SEMA3A: variants seen among roughly 807,000 people sequenced by gnomAD.
SEMA3A encodes the protein semaphorin-3A.
In SEMA3A, 29 loss-of-function variants were observed where a neutral mutation model predicts 97.9. The observed-to-expected ratio is 0.30, with a 90% CI of 0.22 to 0.40. SEMA3A has a LOEUF of 0.40. Ranked by LOEUF, SEMA3A falls within the 10% of genes least tolerant of loss-of-function variation. The pLI, the probability that SEMA3A is intolerant of heterozygous loss-of-function variation, is 1.00. For synonymous variants in SEMA3A, 321 were observed against 323.7 expected (o/e 0.99, Z 0.09); for missense variants, 763 against 951.3 (o/e 0.80, Z 2.60).
chr7:83,981,578 A>AATT, intron 13 of SEMA3A, 100 bp from the exon 14 acceptor site: 2 of 1,028,968 alleles, frequency 1.9e-6, no homozygotes, highest in Non-Finnish European at 2.7e-6. Context: ...CTCAGAGATA[A>AATT]ATTAAGGGTT....
chr7:84,288,336 T>G (rs906066323), intron 3 of SEMA3A, among the ~76,000 whole-genome samples: 28 of 152,150 alleles, frequency 1.8e-4, no homozygotes, highest in Non-Finnish European at 2.1e-4. Context: ...ATTACACAAA[T>G]AAGTGACACC....
At chr7:84,487,166 T>G (rs920330459) in intron 1 of SEMA3A, among the ~76,000 whole-genome samples, 2 of 152,102 alleles carry the variant, frequency 1.3e-5, no homozygotes, top group Admixed American at 6.6e-5. Flanking sequence ...AAGAAATATT[T>G]AATATTAAGC....
At chr7:84,086,026 G>C (rs1330990419) in intron 4 of SEMA3A, among the ~76,000 whole-genome samples, 1 of 152,048 alleles carries the variant, frequency 6.6e-6, no homozygotes, top group Non-Finnish European at 1.5e-5. Flanking sequence ...TCAGGGAAGG[G>C]GCCAGAATAA....
At chr7:84,305,007 T>G (rs1449088060) in intron 3 of SEMA3A, among the ~76,000 whole-genome samples, 1 of 152,112 alleles carries the variant, frequency 6.6e-6, no homozygotes, top group African/African-American at 2.4e-5. Flanking sequence ...CAAACATATA[T>G]GGAGCCATGT....
intron 12 of SEMA3A, among the ~76,000 whole-genome samples, chr7:83,990,924 C>T (rs2116348688): frequency 6.6e-6 from 1 of 152,216 alleles, no homozygotes; most frequent in Admixed American, 6.5e-5. Flanking sequence ...TGACCATTTT[C>T]ACGATATTGA....
At chr7:84,176,256 A>C (rs1231088502) in intron 1 of SEMA3A, among the ~76,000 whole-genome samples, 1 of 152,164 alleles carries the variant, frequency 6.6e-6, no homozygotes, top group African/African-American at 2.4e-5. Flanking sequence ...ATTTAAGTGA[A>C]GGTCCCAATT....
intron 1 of SEMA3A, among the ~76,000 whole-genome samples, chr7:84,435,088 T>A (rs1022044561): frequency 6.6e-6 from 1 of 152,200 alleles, no homozygotes; most frequent in African/African-American, 2.4e-5. Context: ...GACTACATCA[T>A]TGTATACCTA....
At chr7:84,028,585 A>G (rs1471950988) in intron 6 of SEMA3A, among the ~76,000 whole-genome samples, 1 of 143,884 alleles carries the variant, frequency 7.0e-6, no homozygotes, top group Non-Finnish European at 1.5e-5. Flanking sequence ...AATTAAATGT[A>G]TAATAAAGTT....
At chr7:84,011,855 C>T (rs1790892090) in intron 7 of SEMA3A, among the ~76,000 whole-genome samples, 2 of 151,934 alleles carry the variant, frequency 1.3e-5, no homozygotes, top group South Asian at 2.1e-4. Context: ...TTGTTTTGTA[C>T]TCATAAATTT....
intron 2 of SEMA3A, among the ~76,000 whole-genome samples, chr7:84,321,014 T>C (rs1487491440): frequency 1.3e-5 from 2 of 152,204 alleles, no homozygotes; most frequent in Non-Finnish European, 2.9e-5. Context: ...TGTATTTAGC[T>C]GAATTTCATT....
chr7:84,395,132 T>C (rs1803690038), intron 1 of SEMA3A, among the ~76,000 whole-genome samples: 1 of 152,118 alleles, frequency 6.6e-6, no homozygotes, highest in Non-Finnish European at 1.5e-5. Flanking sequence ...ATAAAATTTC[T>C]TATGTCACTA....
At chr7:84,420,853 T>C (rs541554240) in intron 1 of SEMA3A, among the ~76,000 whole-genome samples, 1 of 152,198 alleles carries the variant, frequency 6.6e-6, no homozygotes, top group South Asian at 2.1e-4. Context: ...TATCATTTTT[T>C]ATTGTGCCTA....
chr7:84,407,435 G>C (rs1312154293), intron 1 of SEMA3A, among the ~76,000 whole-genome samples: 1 of 152,036 alleles, frequency 6.6e-6, no homozygotes, highest in Non-Finnish European at 1.5e-5. Flanking sequence ...TCATGGGTAG[G>C]AAGAATCAAT....
chr7:84,423,835 G>A (rs1490545128), intron 1 of SEMA3A, among the ~76,000 whole-genome samples: 1 of 151,644 alleles, frequency 6.6e-6, no homozygotes, highest in Non-Finnish European at 1.5e-5. Context: ...ATCAAAAAGT[G>A]GGCAAATGAC....
chr7:84,145,510 A>G (rs186775105), intron 1 of SEMA3A, among the ~76,000 whole-genome samples: 1 of 152,324 alleles, frequency 6.6e-6, no homozygotes, highest in Admixed American at 6.5e-5. Flanking sequence ...GATATACATT[A>G]GCTTTGCTAA....
intron 4 of SEMA3A, among the ~76,000 whole-genome samples, chr7:84,063,773 A>G (rs536119103): frequency 3.3e-5 from 5 of 149,802 alleles, no homozygotes; most frequent in South Asian, 2.2e-4. Context: ...ACTATGTGAA[A>G]AGACCAAATC....
intron 1 of SEMA3A, among the ~76,000 whole-genome samples, chr7:84,144,130 A>T (rs1053885626): frequency 1.3e-5 from 2 of 152,158 alleles, no homozygotes; most frequent in African/African-American, 4.8e-5. Context: ...GAAACACACC[A>T]ATCACACCAG....
intron 1 of SEMA3A, among the ~76,000 whole-genome samples, chr7:84,386,925 A>C (rs191183641): frequency 1.1e-3 from 171 of 152,182 alleles, no homozygotes; most frequent in African/African-American, 3.8e-3. Flanking sequence ...ACTTGAACCC[A>C]GGAGGCAGAG....
At chr7:84,233,090 C>T (rs1799152081) in intron 3 of SEMA3A, among the ~76,000 whole-genome samples, 1 of 151,992 alleles carries the variant, frequency 6.6e-6, no homozygotes, top group African/African-American at 2.4e-5. Flanking sequence ...GTAGACTTTC[C>T]ATTACCCATT....
Sources: gnomAD v4.1 joint callset for allele counts (sites outside exome capture counted in the v4.1 genomes callset) on GRCh38, gnomAD v4.1.1 for gene constraint, MANE v1.5 for transcripts, NCBI Gene and HGNC (gene_info 2026-07-23, HGNC 2026-07-21) for gene names.